Variants in NEGR1 observed in about 807,000 individuals in gnomAD.
NEGR1 encodes IgLON family member 4.
NEGR1 carries 10 observed loss-of-function variants against 40.9 expected under a neutral mutation model. That is an observed-to-expected ratio of 0.24 (90% confidence interval 0.15 to 0.42). The LOEUF (loss-of-function observed/expected upper bound fraction) is 0.42, where lower values mean the gene tolerates loss of function less well. Among genes scored for constraint, NEGR1 ranks in the 10% least tolerant of loss-of-function variants. The probability of loss-of-function intolerance (pLI) is 1.00; values close to 1 mark genes in which losing one functional copy is unlikely to be tolerated. For missense variants in NEGR1, 352 were observed against 438.9 expected (o/e 0.80, Z 1.77); for synonymous variants, 185 against 166.8 (o/e 1.11, Z -0.84).
chr1:71,736,675 C>T lies in NEGR1; in HGVS notation c.536-38536G>A, dbSNP rs181081882. ...GTTTGAATGGAGTCAGAAAAGTGCT[C>T]CTGGATCAGAGTTTTCCCAGGATAT... On this transcript the variant is annotated intron_variant, in intron 3 of 6. Transcript: ENST00000357731. Among the ~76,000 whole-genome samples, 4 of 152,230 alleles carry T rather than the reference C, an allele frequency of 2.6e-5. No individual in the cohort carries two copies. In the East Asian group the frequency reaches 7.7e-4, roughly 29 times the overall value.
chr1:71,502,858 C>A (rs1013165426), intron 6 of NEGR1, among the ~76,000 whole-genome samples: 6 of 152,144 alleles, frequency 3.9e-5, no homozygotes, highest in African/African-American at 1.4e-4. Flanking sequence ...TGCAGAGTCC[C>A]AATCCATGGT....
chr1:72,230,434 C>A (rs1654326144), intron 1 of NEGR1, among the ~76,000 whole-genome samples: 1 of 152,038 alleles, frequency 6.6e-6, no homozygotes, highest in South Asian at 2.1e-4. Context: ...ATAAGATAAA[C>A]CTGGACAGGT....
At chr1:72,140,089 A>T (rs1650613953) in intron 1 of NEGR1, among the ~76,000 whole-genome samples, 1 of 152,104 alleles carries the variant, frequency 6.6e-6, no homozygotes, top group African/African-American at 2.4e-5. Context: ...AGTTCTCATG[A>T]AACTATCAAC....
At chr1:71,413,221 AC>A (rs1646334920) in intron 6 of NEGR1, among the ~76,000 whole-genome samples, 1 of 152,204 alleles carries the variant, frequency 6.6e-6, no homozygotes, top group South Asian at 2.1e-4. Context: ...ACAGCACTTA[AC>A]AAAGCATAAA....
intron 4 of NEGR1, among the ~76,000 whole-genome samples, chr1:71,627,635 C>T (rs1650830428): frequency 6.6e-6 from 1 of 151,990 alleles, no homozygotes; most frequent in Non-Finnish European, 1.5e-5. Context: ...CATGGTCAAG[C>T]CTGTCATCAA....
At chr1:72,129,945 C>A (rs547419240) in intron 1 of NEGR1, among the ~76,000 whole-genome samples, 4 of 152,128 alleles carry the variant, frequency 2.6e-5, no homozygotes, top group African/African-American at 7.2e-5. Context: ...AAGTAATACA[C>A]TGCTATTCAG....
intron 4 of NEGR1, among the ~76,000 whole-genome samples, chr1:71,675,621 AT>A (rs1181205487): frequency 1.3e-5 from 2 of 151,932 alleles, no homozygotes; most frequent in African/African-American, 4.8e-5. Context: ...ATCTGGGATT[AT>A]GAGTTTGAAC....
chr1:71,804,626 C>T (rs979230154), intron 2 of NEGR1, among the ~76,000 whole-genome samples: 4 of 152,198 alleles, frequency 2.6e-5, no homozygotes, highest in African/African-American at 7.2e-5. Flanking sequence ...ATTTCATGGA[C>T]ACTTATCACT....
chr1:71,510,618 A>C (rs1013963490), intron 6 of NEGR1, among the ~76,000 whole-genome samples: 5 of 152,158 alleles, frequency 3.3e-5, no homozygotes, highest in African/African-American at 1.2e-4. Context: ...ATGGGGTATA[A>C]CCTTATGGGG....
chr1:72,024,053 C>T (rs1009469798), intron 1 of NEGR1, among the ~76,000 whole-genome samples: 3 of 152,168 alleles, frequency 2.0e-5, no homozygotes, highest in African/African-American at 7.2e-5. Context: ...CCATTTATAA[C>T]TTAGCTCTAA....
At chr1:71,503,151 G>C (rs1012943394) in intron 6 of NEGR1, among the ~76,000 whole-genome samples, 1 of 152,172 alleles carries the variant, frequency 6.6e-6, no homozygotes, top group Admixed American at 6.5e-5. Flanking sequence ...ATAAAGTATT[G>C]CTGTTTTATC....
At chr1:71,504,081 T>A (rs1156522457) in intron 6 of NEGR1, among the ~76,000 whole-genome samples, 1 of 148,224 alleles carries the variant, frequency 6.7e-6, no homozygotes, top group East Asian at 2.0e-4. Flanking sequence ...CCCTCTGCAT[T>A]CCTGCAGAGG....
intron 4 of NEGR1, among the ~76,000 whole-genome samples, chr1:71,655,607 T>A (rs1651850390): frequency 6.6e-6 from 1 of 152,158 alleles, no homozygotes; most frequent in Non-Finnish European, 1.5e-5. Flanking sequence ...TCCTAAAGGA[T>A]GGAAGTATCT....
At chr1:71,790,436 G>C (rs1249770978) in intron 2 of NEGR1, among the ~76,000 whole-genome samples, 1 of 152,024 alleles carries the variant, frequency 6.6e-6, no homozygotes. Flanking sequence ...ATGTTATTTT[G>C]CCATTAGACG....
At chr1:72,022,260 C>CATATATATATATATATATATATAT (rs59160727) in intron 1 of NEGR1, among the ~76,000 whole-genome samples, 1 of 111,664 alleles carries the variant, frequency 9.0e-6, no homozygotes, top group African/African-American at 3.1e-5. Context: ...AAACAATTTT[C>CATATATATATATATATATATATAT]ATATATATAT....
At chr1:71,713,842 CT>C (rs969217968) in intron 3 of NEGR1, among the ~76,000 whole-genome samples, 1 of 151,998 alleles carries the variant, frequency 6.6e-6, no homozygotes, top group Admixed American at 6.5e-5. Flanking sequence ...TTATAGATGT[CT>C]TTGTAAAAAA....
At chr1:72,013,366 C>T (rs995156564) in intron 1 of NEGR1, among the ~76,000 whole-genome samples, 36 of 152,168 alleles carry the variant, frequency 2.4e-4, no homozygotes, top group African/African-American at 7.2e-4. Flanking sequence ...AAGGGAACCT[C>T]GGAGAACAGT....
intron 1 of NEGR1, among the ~76,000 whole-genome samples, chr1:72,277,884 C>T (rs1341780112): frequency 1.3e-5 from 2 of 152,010 alleles, no homozygotes; most frequent in Non-Finnish European, 1.5e-5. Context: ...TCCAAAAGTA[C>T]ACCATAATTG....
rs560684076 is a variant in NEGR1 at position 71,489,052 on chromosome 1, A to G, written c.941-81482T>C. On this transcript the variant is annotated intron_variant, in intron 6 of 6. Transcript: ENST00000357731. ...GATCAAATGACATATGCTCATAAACATAGCCTGTTTTTCCTGTTGGAGAAT... is the reference window on the plus strand; with the variant it reads ...GATCAAATGACATATGCTCATAAACGTAGCCTGTTTTTCCTGTTGGAGAAT... 3.9e-4 allele frequency among the ~76,000 whole-genome samples: 59 copies of G among 151,754 alleles called. 1 individual carries two copies. The South Asian group carries it at 5.8e-3, about 15-fold the overall frequency.
Sources: gnomAD v4.1 joint callset for allele counts (sites outside exome capture counted in the v4.1 genomes callset) on GRCh38, gnomAD v4.1.1 for gene constraint, MANE v1.5 for transcripts, NCBI Gene and HGNC (gene_info 2026-07-23, HGNC 2026-07-21) for gene names.